TMEM108: variants seen among roughly 807,000 people sequenced by gnomAD.
TMEM108 encodes the protein cancer/testis antigen 124.
Under a neutral mutation model 35.1 loss-of-function variants are expected in TMEM108, and 12 were observed. The observed-to-expected ratio is 0.34, with a 90% CI of 0.22 to 0.55. TMEM108 has a LOEUF of 0.55. Ranked by LOEUF, TMEM108 falls within the 20% of genes least tolerant of loss-of-function variation. The pLI, the probability that TMEM108 is intolerant of heterozygous loss-of-function variation, is 0.89. For missense variants in TMEM108, 680 were observed against 753.3 expected, an observed-to-expected ratio of 0.90 and a Z score of 1.14; for synonymous variants, 287 against 308.6, an observed-to-expected ratio of 0.93 and a Z score of 0.73.
At chr3:133,352,375 A>G (rs1009904156) in intron 3 of TMEM108, among the ~76,000 whole-genome samples, 4 of 152,272 alleles carry the variant, frequency 2.6e-5, no homozygotes, top group East Asian at 1.9e-4. Flanking sequence ...ACACTAGCCA[A>G]TTCTCCAACT....
rs550845086 is a variant in TMEM108 at position 133,123,833 on chromosome 3, T to A, written c.-47+77813T>A. On this transcript the variant is annotated intron_variant, in intron 2 of 5. Coordinates refer to ENST00000321871, the MANE Select transcript of TMEM108 (RefSeq NM_023943.4). ...TGTTGTCGGCCTAAATTGGCAACTCTCTGCTTCTGCAATAGTGGCCTTGCT... is the reference window on the plus strand; with the variant it reads ...TGTTGTCGGCCTAAATTGGCAACTCACTGCTTCTGCAATAGTGGCCTTGCT... 3.9e-5 allele frequency among the ~76,000 whole-genome samples: 6 copies of A among 152,358 alleles called. No homozygotes were observed. In the South Asian group the frequency reaches 1.2e-3, roughly 32 times the overall value.
chr3:133,211,497 A>G (rs748307754), intron 2 of TMEM108, among the ~76,000 whole-genome samples: 1 of 152,236 alleles, frequency 6.6e-6, no homozygotes, highest in African/African-American at 2.4e-5. Context: ...CTACAATATC[A>G]TTTAATTCCC....
At chr3:133,105,252 G>T (rs1019944465) in intron 2 of TMEM108, among the ~76,000 whole-genome samples, 14 of 152,150 alleles carry the variant, frequency 9.2e-5, no homozygotes, top group Non-Finnish European at 2.9e-5. Context: ...AGATCTGTTA[G>T]CTGGCTGTCA....
chr3:133,393,757 T>C (rs933095542), intron 5 of TMEM108, among the ~76,000 whole-genome samples: 7 of 152,238 alleles, frequency 4.6e-5, no homozygotes, highest in African/African-American at 1.7e-4. Context: ...ATTTCTCATA[T>C]TCTCTTTGCA....
chr3:133,177,250 G>T (rs943829748), intron 2 of TMEM108, among the ~76,000 whole-genome samples: 11 of 152,120 alleles, frequency 7.2e-5, no homozygotes, highest in Non-Finnish European at 1.2e-4. Context: ...GGAGGAGCTG[G>T]TACCATTCCT....
At chr3:133,375,990 T>C (rs1223256936) in intron 3 of TMEM108, among the ~76,000 whole-genome samples, 2 of 152,234 alleles carry the variant, frequency 1.3e-5, no homozygotes, top group Non-Finnish European at 2.9e-5. Flanking sequence ...CCAAAGATGA[T>C]GTACTCTAAA....
intron 4 of TMEM108, chr3:133,386,277 T>C (rs1576542586): frequency 3.3e-6 from 3 of 898,970 alleles, no homozygotes; most frequent in East Asian, 5.3e-5. Context: ...ATGGCAGTGA[T>C]CAAACAGTGA....
intron 2 of TMEM108, among the ~76,000 whole-genome samples, chr3:133,201,192 A>G (rs1945660002): frequency 6.6e-6 from 1 of 152,188 alleles, no homozygotes; most frequent in African/African-American, 2.4e-5. Flanking sequence ...AAGCCTGGAA[A>G]CAGATGGCTA....
intron 3 of TMEM108, among the ~76,000 whole-genome samples, chr3:133,252,483 G>T (rs13065394): frequency 0.21 from 32,377 of 152,050 alleles, 4,088 homozygotes; most frequent in Middle Eastern, 0.32. Flanking sequence ...ATGCACACTG[G>T]AATCTAGCTG....
At chr3:133,370,921 T>TGTGTGTGTGTGTGTGTGCGC (rs142623622) in intron 3 of TMEM108, among the ~76,000 whole-genome samples, 1 of 139,290 alleles carries the variant, frequency 7.2e-6, no homozygotes, top group African/African-American at 2.6e-5. Flanking sequence ...TGTGTGTGTG[T>TGTGTGTGTGTGTGTGTGCGC]GCCAGGAAGC....
intron 2 of TMEM108, among the ~76,000 whole-genome samples, chr3:133,061,042 AC>A (rs1410888116): frequency 2.6e-5 from 4 of 152,166 alleles, no homozygotes; most frequent in Non-Finnish European, 4.4e-5. Context: ...ATCACAGACA[AC>A]ATAAATAATA....
chr3:133,293,762 G>A (rs545406000), intron 3 of TMEM108, among the ~76,000 whole-genome samples: 3 of 152,188 alleles, frequency 2.0e-5, no homozygotes, highest in East Asian at 3.9e-4. Context: ...TCTTGTGTGT[G>A]AGGGTTTTTT....
chr3:133,089,021 G>A (rs1943915524), intron 2 of TMEM108, among the ~76,000 whole-genome samples: 1 of 152,150 alleles, frequency 6.6e-6, no homozygotes, highest in African/African-American at 2.4e-5. Flanking sequence ...AAAGCAAAGG[G>A]GGAGTGAGCT....
chr3:133,238,223 T>C (rs1049286276), intron 3 of TMEM108, among the ~76,000 whole-genome samples: 4 of 152,214 alleles, frequency 2.6e-5, no homozygotes, highest in Non-Finnish European at 5.9e-5. Flanking sequence ...GCTCTGATTA[T>C]ACATGTGCTT....
chr3:133,290,278 C>G (rs1159305357), intron 3 of TMEM108, among the ~76,000 whole-genome samples: 2 of 152,202 alleles, frequency 1.3e-5, no homozygotes, highest in Non-Finnish European at 2.9e-5. Flanking sequence ...AGCTATCTCT[C>G]TCTTTTTTGT....
At chr3:133,226,675 A>G (rs937026563) in intron 2 of TMEM108, among the ~76,000 whole-genome samples, 1 of 152,118 alleles carries the variant, frequency 6.6e-6, no homozygotes, top group Non-Finnish European at 1.5e-5. Context: ...GAGAGGAGGG[A>G]GCCATTCAGT....
intron 2 of TMEM108, among the ~76,000 whole-genome samples, chr3:133,105,104 T>G (rs62280292): frequency 0.1 from 15,276 of 152,248 alleles, 964 homozygotes; most frequent in Admixed American, 0.17. Flanking sequence ...TACTACAAGT[T>G]TATTATCTCA....
chr3:133,093,148 T>G (rs1943970635), intron 2 of TMEM108, among the ~76,000 whole-genome samples: 1 of 152,028 alleles, frequency 6.6e-6, no homozygotes, highest in Admixed American at 6.6e-5. Flanking sequence ...TGCCACCACA[T>G]CTGGCTAATT....
intron 3 of TMEM108, among the ~76,000 whole-genome samples, chr3:133,277,803 C>T (rs1258740298): frequency 6.6e-6 from 1 of 152,214 alleles, no homozygotes; most frequent in Non-Finnish European, 1.5e-5. Flanking sequence ...TTAAATATGT[C>T]TTTGTTTCCA....
Sources: allele counts gnomAD v4.1 joint callset (sites outside exome capture counted in the v4.1 genomes callset), GRCh38; gene constraint gnomAD v4.1.1; transcripts MANE v1.5; gene names NCBI Gene and HGNC (gene_info 2026-07-23, HGNC 2026-07-21).